Variants in ABCB1 observed in about 807,000 individuals in gnomAD.
ABCB1 encodes ATP binding cassette subfamily B member 1, also known as ATP-dependent translocase ABCB1.
A neutral mutation model predicts 142.0 loss-of-function variants in ABCB1; 69 were observed. The observed-to-expected ratio is 0.49, with a 90% CI of 0.40 to 0.59. ABCB1 has a LOEUF of 0.59. ABCB1 is among the 20% of genes least tolerant of loss of function. ABCB1 has a pLI of 0.00. For synonymous variants in ABCB1, 532 were observed against 539.2 expected, an observed-to-expected ratio of 0.99 and a Z score of 0.18; for missense variants, 1,326 against 1,554.7, an observed-to-expected ratio of 0.85 and a Z score of 2.47.
At chr7:87,556,090 T>C (rs1240370945) in intron 8 of ABCB1, among the ~76,000 whole-genome samples, 1 of 152,172 alleles carries the variant, frequency 6.6e-6, no homozygotes, top group Non-Finnish European at 1.5e-5. Context: ...TACATAAAAC[T>C]AGATATTAAA....
In ABCB1 at chr7:87,509,475, C is replaced by T; in HGVS notation, c.3289G>A (p.Asp1097Asn). ...YDPLAGKVLL[D>N]GKEIKRLNVQ... ...TTCAGTCGCTTTATTTCTTTGCCAT[C>T]AAGCAGCTGAAAACAAGAGTTCACA... The change falls in exon 26 of 28, where the codon GAT (aspartate) becomes AAT (asparagine). Residue 1097 changes from aspartate to asparagine, a missense_variant. Transcript: ENST00000622132. The T allele has an allele frequency of 6.2e-7, 1 of 1,614,030 alleles. No individual in the cohort carries two copies. Among genetic ancestry groups the T allele is most frequent in the Non-Finnish European group, 8.5e-7 (1 of 1,180,016 alleles).
At chr7:87,653,301 G>C (rs1407726905) in intron 1 of ABCB1, among the ~76,000 whole-genome samples, 2 of 152,000 alleles carry the variant, frequency 1.3e-5, no homozygotes, top group Non-Finnish European at 1.5e-5. Flanking sequence ...AAAAGCCACT[G>C]CAAAAGCTGG....
At chr7:87,600,310 T>G in intron 1 of ABCB1, 120 bp from the exon 2 acceptor site, 1 of 795,348 alleles carries the variant, frequency 1.3e-6, no homozygotes. Context: ...CCGCCGTTGA[T>G]GCCCCAGCTG....
At chr7:87,708,546 T>A (rs1829803248) in intron 1 of ABCB1, among the ~76,000 whole-genome samples, 1 of 152,194 alleles carries the variant, frequency 6.6e-6, no homozygotes, top group African/African-American at 2.4e-5. Flanking sequence ...TGTTTTCTTC[T>A]TATGGGTTTT....
At chr7:87,683,160 C>T (rs576240266) in intron 1 of ABCB1, among the ~76,000 whole-genome samples, 114 of 152,294 alleles carry the variant, frequency 7.5e-4, no homozygotes, top group African/African-American at 2.6e-3. Context: ...CCTCTCTCAT[C>T]CTTCATAGCA....
At chr7:87,550,680 G>T in intron 10 of ABCB1, 45 bp downstream of exon 10, 2 of 1,557,978 alleles carry the variant, frequency 1.3e-6, no homozygotes, top group Non-Finnish European at 8.9e-7. Flanking sequence ...TGACTTAACT[G>T]GACAATCTTT....
chr7:87,678,488 A>T (rs1054400862), intron 1 of ABCB1, among the ~76,000 whole-genome samples: 1 of 152,224 alleles, frequency 6.6e-6, no homozygotes, highest in Non-Finnish European at 1.5e-5. Flanking sequence ...AAAAGCCAAT[A>T]AATAAATTAA....
chr7:87,566,604 A>G (rs1355363618), intron 6 of ABCB1, among the ~76,000 whole-genome samples, 181 bp downstream of exon 6: 1 of 152,092 alleles, frequency 6.6e-6, no homozygotes, highest in East Asian at 1.9e-4. Flanking sequence ...GTCCCCCCAT[A>G]CCCTGTCAAG....
intron 1 of ABCB1, among the ~76,000 whole-genome samples, chr7:87,657,590 C>T (rs574702753): frequency 6.6e-6 from 1 of 152,158 alleles, no homozygotes; most frequent in Non-Finnish European, 1.5e-5. Context: ...CCAACACCCC[C>T]CTTCCCACAA....
At chr7:87,661,697 G>A (rs1260398951) in intron 1 of ABCB1, among the ~76,000 whole-genome samples, 2 of 151,916 alleles carry the variant, frequency 1.3e-5, no homozygotes, top group African/African-American at 4.8e-5. Context: ...ATTGTGAATA[G>A]TGCTGCAATA....
chr7:87,627,941 G>A (rs898943606), intron 1 of ABCB1: 4 of 152,362 alleles, frequency 2.6e-5, no homozygotes, highest in Non-Finnish European at 5.9e-5. Context: ...TCCCCCCTCG[G>A]GCCATTGTGT....
At chr7:87,690,257 CATTA>C (rs1827886801) in intron 1 of ABCB1, among the ~76,000 whole-genome samples, 1 of 151,996 alleles carries the variant, frequency 6.6e-6, no homozygotes, top group Non-Finnish European at 1.5e-5. Flanking sequence ...AGAGTATTTT[CATTA>C]ATAGTTGTCA....
intron 1 of ABCB1, among the ~76,000 whole-genome samples, chr7:87,661,167 C>T (rs1824669963): frequency 6.6e-6 from 1 of 151,726 alleles, no homozygotes; most frequent in South Asian, 2.1e-4. Flanking sequence ...TTATGGGGTA[C>T]ATGAGATTTT....
chr7:87,562,637 A>C (rs1817608528), intron 7 of ABCB1, among the ~76,000 whole-genome samples: 1 of 152,114 alleles, frequency 6.6e-6, no homozygotes, highest in African/African-American at 2.4e-5. Context: ...TATATCAAAC[A>C]CCACAATGAA....
chr7:87,700,763 G>A (rs1016843788), intron 1 of ABCB1, among the ~76,000 whole-genome samples: 1 of 152,154 alleles, frequency 6.6e-6, no homozygotes, highest in Admixed American at 6.5e-5. Flanking sequence ...AGATGTCCAA[G>A]ACCCTTTCTT....
At chr7:87,531,680 T>C (rs1331542481) in intron 20 of ABCB1, 183 bp from the exon 21 acceptor site, 6 of 602,212 alleles carry the variant, frequency 1.0e-5, no homozygotes, top group Non-Finnish European at 1.4e-5. Flanking sequence ...GACTTCAGAA[T>C]GCTGAAAGTA....
chr7:87,707,839 C>T (rs552770493), intron 1 of ABCB1, among the ~76,000 whole-genome samples: 17 of 151,944 alleles, frequency 1.1e-4, no homozygotes, highest in Non-Finnish European at 1.6e-4. Flanking sequence ...GTTCTCTAAC[C>T]ACAGTGGAAT....
Position 87,568,844 on chromosome 7 carries a change from A to AC in ABCB1, c.338+1327dup, listed in dbSNP as rs1817910145. Among the ~76,000 whole-genome samples the AC allele has an allele frequency of 4.6e-5, 7 of 152,222 alleles. No individual in the cohort carries two copies. In the South Asian group the frequency reaches 1.4e-3, roughly 32 times the overall value. ...ATATAGCAAGAGATAGCTAATAGAAACCCCACATCACAAGGAAAACTCATG... is the reference window on the plus strand; with the variant it reads ...ATATAGCAAGAGATAGCTAATAGAAACCCCCACATCACAAGGAAAACTCATG... On this transcript the variant is annotated intron_variant, in intron 5 of 27. Coordinates refer to ENST00000622132, the MANE Select transcript of ABCB1 (RefSeq NM_001348946.2).
At chr7:87,615,640 G>A (rs531770061) in intron 1 of ABCB1, among the ~76,000 whole-genome samples, 2 of 152,180 alleles carry the variant, frequency 1.3e-5, no homozygotes, top group Admixed American at 6.5e-5. Flanking sequence ...AAAGTGCTTA[G>A]ACTCTGGATA....
Sources: gnomAD v4.1 joint callset for allele counts (sites outside exome capture counted in the v4.1 genomes callset) on GRCh38, gnomAD v4.1.1 for gene constraint, MANE v1.5 for transcripts, NCBI Gene and HGNC (gene_info 2026-07-23, HGNC 2026-07-21) for gene names.